Variants in PSEN2 observed in about 807,000 individuals in gnomAD.
PSEN2 encodes the protein presenilin 2, also known as presenilin-2.
PSEN2 carries 32 observed loss-of-function variants against 49.1 expected under a neutral mutation model. The observed-to-expected ratio is 0.65, with a 90% CI of 0.49 to 0.88. PSEN2 has a LOEUF of 0.88. PSEN2 is among the 40% of genes least tolerant of loss of function. The probability of loss-of-function intolerance (pLI) is 0.00; values close to 1 mark genes in which losing one functional copy is unlikely to be tolerated. For missense variants in PSEN2, 522 were observed against 586.9 expected (o/e 0.89, Z 1.14); for synonymous variants, 255 against 244.0 (o/e 1.05, Z -0.42).
intron 3 of PSEN2, among the ~76,000 whole-genome samples, chr1:226,877,758 G>A (rs891126850): frequency 6.6e-6 from 1 of 152,264 alleles, no homozygotes; most frequent in African/African-American, 2.4e-5. Flanking sequence ...GGGAACACTT[G>A]TTTTCTGGTG....
chr1:226,891,908 GGCTC>G, intron 11 of PSEN2, 64 bp downstream of exon 11: 1 of 1,457,378 alleles, frequency 6.9e-7, no homozygotes, highest in Non-Finnish European at 9.6e-7. Context: ...AGAGGGTGGA[GGCTC>G]CCTGCAGCCT....
chr1:226,891,168 T>C (rs2102688968), intron 9 of PSEN2, 110 bp from the exon 10 acceptor site: 2 of 869,698 alleles, frequency 2.3e-6, no homozygotes, highest in South Asian at 2.9e-5. Context: ...ACCTGCAGGA[T>C]GGAGGGTCCT....
In PSEN2 at chr1:226,895,929, G is replaced by C. The variant is rs1662123172; in HGVS notation, c.*350G>C. 5 of 395,320 alleles carry C rather than the reference G, an allele frequency of 1.3e-5. No homozygotes were observed. The highest frequency in any genetic ancestry group is 2.4e-5 in the Non-Finnish European group (5 of 211,690). 24.5% of individuals were successfully genotyped at this position (395,320 alleles called of 1,614,324 possible). On this transcript the variant is annotated 3_prime_UTR_variant, in exon 13 of 13. Coordinates refer to ENST00000366783, the MANE Select transcript of PSEN2 (RefSeq NM_000447.3). ...GTGGCCCCTGGCACCTGGGTGCTCT[G>C]GCTGGAGAGGAAAAGCCAGTTCCCT...
chr1:226,881,389 C>A (rs942181394), intron 3 of PSEN2, among the ~76,000 whole-genome samples: 4 of 152,214 alleles, frequency 2.6e-5, no homozygotes, highest in Non-Finnish European at 5.9e-5. Context: ...ATAGGCTCTT[C>A]TCTAGAAAAC....
intron 4 of PSEN2, 59 bp from the exon 5 acceptor site, chr1:226,883,646 T>A: frequency 1.3e-6 from 2 of 1,532,606 alleles, no homozygotes; most frequent in Non-Finnish European, 1.8e-6. Flanking sequence ...ATCCGTGCAT[T>A]ACATGGATAG....
intron 1 of PSEN2, chr1:226,870,934 T>A (rs1660236862): frequency 6.6e-6 from 1 of 152,134 alleles, no homozygotes; most frequent in Admixed American, 6.6e-5. Context: ...GCCTTCGGCC[T>A]CACTGCGTCC....
downstream of PSEN2, chr1:226,897,942 TAGCTCC>T (rs1662207407): frequency 6.5e-6 from 1 of 154,842 alleles, no homozygotes; most frequent in African/African-American, 2.4e-5. Flanking sequence ...TGTATAAATG[TAGCTCC>T]AGTTCATTTA....
chr1:226,881,787 T>C (rs1193401642), intron 3 of PSEN2, 101 bp from the exon 4 acceptor site: 1 of 1,319,134 alleles, frequency 7.6e-7, no homozygotes, highest in African/African-American at 1.4e-5. Flanking sequence ...GGGGCAGGAC[T>C]TGTGTCCAAG....
In PSEN2 at chr1:226,890,140, G is replaced by A; in HGVS notation, c.886+7G>A. ...CCTGCCCTGATATACTCATGTGAGT[G>A]AGCCCCCCGTGCCTCTGCCTGACTC... On this transcript the variant is annotated splice_region_variant and intron_variant, in intron 9 of 12. Transcript: ENST00000366783. 6.2e-7 allele frequency: 1 copy of A among 1,608,186 alleles called. No homozygotes were observed. Among genetic ancestry groups the A allele is most frequent in the Non-Finnish European group, 8.5e-7 (1 of 1,174,586 alleles).
At chr1:226,875,846 C>A (rs555418377) in intron 3 of PSEN2, among the ~76,000 whole-genome samples, 1 of 152,272 alleles carries the variant, frequency 6.6e-6, no homozygotes, top group South Asian at 2.1e-4. Flanking sequence ...CAGTTTGATC[C>A]CATTCAGCTG....
At chr1:226,876,306 C>T (rs367875222) in intron 3 of PSEN2, among the ~76,000 whole-genome samples, 1 of 152,178 alleles carries the variant, frequency 6.6e-6, no homozygotes. Context: ...AGAAGTCCAT[C>T]CCAGATGCTC....
rs569037365 is a variant in PSEN2 at position 226,886,041 on chromosome 1, T to A, written c.498+362T>A. Among the ~76,000 whole-genome samples, 219 of 144,210 alleles carry A rather than the reference T, an allele frequency of 1.5e-3. 4 individuals are homozygous for A. The South Asian group carries it at 0.026, about 17-fold the overall frequency. 94.6% of individuals were successfully genotyped at this position (144,210 alleles called of 152,430 possible). A position where few individuals can be genotyped will look rare whatever the true frequency, so the allele number is the denominator to read the frequency against. On this transcript the variant is annotated intron_variant, in intron 6 of 12. Transcript: ENST00000366783. Reference sequence around the variant, plus strand: ...CCACCATACCTGGCTAATTAAAAAATTTTTTTTTGTGCAGGCTAGATCTCA... The same window carrying A: ...CCACCATACCTGGCTAATTAAAAAAATTTTTTTTGTGCAGGCTAGATCTCA...
chr1:226,895,691 T>C lies in PSEN2; in HGVS notation c.*112T>C. On this transcript the variant is annotated 3_prime_UTR_variant, in exon 13 of 13. Transcript: ENST00000366783. Reference sequence around the variant, plus strand: ...TTAAGACTTTTCTTTCCTTAAAAAATAAAGTACGTGTTTACTTGGTGAGGA... The same window carrying C: ...TTAAGACTTTTCTTTCCTTAAAAAACAAAGTACGTGTTTACTTGGTGAGGA... The C allele has an allele frequency of 7.6e-7, 1 of 1,319,056 alleles. No individual in the cohort carries two copies. The highest frequency in any genetic ancestry group is 1.5e-5 in the African/African-American group (1 of 68,074). The allele number at this position is 1,319,056 out of a possible 1,614,324, so 81.7% of individuals were successfully genotyped here.
chr1:226,886,128 A>T (rs1661350477), intron 6 of PSEN2, among the ~76,000 whole-genome samples: 2 of 151,318 alleles, frequency 1.3e-5, no homozygotes, highest in South Asian at 4.2e-4. Flanking sequence ...TTGGCCTCCC[A>T]AAGTTCTGGG....
intron 2 of PSEN2, among the ~76,000 whole-genome samples, chr1:226,872,544 C>A (rs557154364): frequency 2.0e-5 from 3 of 152,284 alleles, no homozygotes; most frequent in African/African-American, 7.2e-5. Flanking sequence ...CGTGTCTCTC[C>A]ACTACTGCTG....
intron 11 of PSEN2, 103 bp downstream of exon 11, chr1:226,891,947 G>A: frequency 9.5e-7 from 1 of 1,053,510 alleles, no homozygotes; most frequent in Non-Finnish European, 1.5e-6. Context: ...ATGAGGGGAG[G>A]GGCCCCTTTT....
chr1:226,891,223 T>C, intron 9 of PSEN2, 55 bp from the exon 10 acceptor site: 3 of 1,526,772 alleles, frequency 2.0e-6, no homozygotes, highest in Non-Finnish European at 1.8e-6. Context: ...CCCCAGGCCC[T>C]GCAGGCAGCC....
At chr1:226,888,637 C>T (rs573503654) in intron 7 of PSEN2, among the ~76,000 whole-genome samples, 192 bp from the exon 8 acceptor site, 1 of 152,314 alleles carries the variant, frequency 6.6e-6, no homozygotes, top group Non-Finnish European at 1.5e-5. Flanking sequence ...TGCCCATGCA[C>T]ATTTCTGTGA....
downstream of PSEN2, among the ~76,000 whole-genome samples, chr1:226,900,101 G>A (rs890360350): frequency 3.3e-5 from 5 of 152,180 alleles, no homozygotes; most frequent in African/African-American, 9.7e-5. Context: ...GGGTCGTGAG[G>A]GATCATGTGA....
Sources: gnomAD v4.1 joint callset for allele counts (sites outside exome capture counted in the v4.1 genomes callset) on GRCh38, gnomAD v4.1.1 for gene constraint, MANE v1.5 for transcripts, NCBI Gene and HGNC (gene_info 2026-07-23, HGNC 2026-07-21) for gene names.